CFDP1: variants seen among roughly 807,000 people sequenced by gnomAD.
CFDP1 encodes chromatin remodeling protein CFDP1.
Under a neutral mutation model 40.1 loss-of-function variants are expected in CFDP1, and 31 were observed. The ratio of observed to expected loss-of-function variants is 0.77; its 90% CI spans 0.58 to 1.04. The LOEUF (loss-of-function observed/expected upper bound fraction) is 1.04. CFDP1 is among the 50% of genes least tolerant of loss of function. CFDP1 has a pLI of 0.00. For missense variants in CFDP1, 423 were observed against 343.4 expected, an observed-to-expected ratio of 1.23 and a Z score of -1.83; for synonymous variants, 167 against 120.0, an observed-to-expected ratio of 1.39 and a Z score of -2.56.
chr16:75,350,347 C>A (rs1044306240), intron 5 of CFDP1, among the ~76,000 whole-genome samples: 16 of 152,168 alleles, frequency 1.1e-4, no homozygotes, highest in Non-Finnish European at 2.1e-4. Context: ...CTATATCCAA[C>A]CAGCAAGGTA....
chr16:75,397,710 G>T (rs899805312), intron 4 of CFDP1, among the ~76,000 whole-genome samples: 12 of 151,930 alleles, frequency 7.9e-5, no homozygotes, highest in African/African-American at 2.9e-4. Context: ...GGAGGCTGAG[G>T]CAGGAGAACC....
At chr16:75,304,060 T>TTCTCTC (rs3043650) in intron 6 of CFDP1, among the ~76,000 whole-genome samples, 1 of 151,206 alleles carries the variant, frequency 6.6e-6, no homozygotes, top group African/African-American at 2.4e-5. Flanking sequence ...TTCTTTTCCT[T>TTCTCTC]TCTCTCTCTC....
At chr16:75,331,507 G>C (rs991936709) in intron 5 of CFDP1, among the ~76,000 whole-genome samples, 1 of 152,080 alleles carries the variant, frequency 6.6e-6, no homozygotes, top group East Asian at 1.9e-4. Context: ...TCAAAATATA[G>C]AACATTTCCA....
intron 1 of CFDP1, among the ~76,000 whole-genome samples, chr16:75,430,128 C>A (rs1440734324): frequency 6.6e-6 from 1 of 151,894 alleles, no homozygotes; most frequent in Non-Finnish European, 1.5e-5. Context: ...AAAGGAATGT[C>A]TGGGTTAAGA....
At chr16:75,426,921 G>A (rs374429358) in intron 1 of CFDP1, among the ~76,000 whole-genome samples, 3 of 151,998 alleles carry the variant, frequency 2.0e-5, no homozygotes, top group Non-Finnish European at 1.5e-5. Flanking sequence ...TGGGTGTGGT[G>A]GCGAGTGCTT....
At chr16:75,432,782 A>C (rs115642866) in intron 1 of CFDP1, among the ~76,000 whole-genome samples, 1 of 152,324 alleles carries the variant, frequency 6.6e-6, no homozygotes, top group African/African-American at 2.4e-5. Flanking sequence ...TAAGGAAAGA[A>C]AGTTCTGAGA....
intron 5 of CFDP1, among the ~76,000 whole-genome samples, chr16:75,369,431 A>T (rs1215041733): frequency 2.0e-5 from 3 of 151,978 alleles, no homozygotes; most frequent in Admixed American, 2.0e-4. Context: ...AAGCCAAAAA[A>T]CCCGCACACT....
At chr16:75,426,105 C>T (rs1219022332) in intron 1 of CFDP1, among the ~76,000 whole-genome samples, 3 of 138,960 alleles carry the variant, frequency 2.2e-5, no homozygotes, top group Admixed American at 7.6e-5. Context: ...AATCCCAACA[C>T]TTTGGGAGGC....
chr16:75,420,300 T>C (rs2079263385), intron 1 of CFDP1, among the ~76,000 whole-genome samples: 1 of 152,182 alleles, frequency 6.6e-6, no homozygotes, highest in Non-Finnish European at 1.5e-5. Flanking sequence ...ATATTGTGTC[T>C]TCTGATGCTA....
At chr16:75,330,675 T>G (rs1199083563) in intron 5 of CFDP1, among the ~76,000 whole-genome samples, 1 of 152,182 alleles carries the variant, frequency 6.6e-6, no homozygotes, top group Non-Finnish European at 1.5e-5. Context: ...CTACAGCTGG[T>G]TTTGAATTCT....
chr16:75,308,429 C>T (rs932772241), intron 5 of CFDP1, among the ~76,000 whole-genome samples: 4 of 152,160 alleles, frequency 2.6e-5, no homozygotes, highest in African/African-American at 9.7e-5. Flanking sequence ...TGAGGGGACT[C>T]TAACTAAGGA....
At chr16:75,413,117 A>G (rs781530435) in intron 2 of CFDP1, among the ~76,000 whole-genome samples, 27 of 152,178 alleles carry the variant, frequency 1.8e-4, no homozygotes, top group Non-Finnish European at 3.1e-4. Flanking sequence ...TGTGCCAGAC[A>G]TTGTTGACTT....
intron 5 of CFDP1, among the ~76,000 whole-genome samples, chr16:75,310,049 C>G (rs982404483): frequency 2.6e-5 from 4 of 152,136 alleles, no homozygotes; most frequent in Non-Finnish European, 5.9e-5. Context: ...GATTACATCC[C>G]AAATGTTACG....
intron 5 of CFDP1, among the ~76,000 whole-genome samples, chr16:75,313,730 A>G (rs2078308560): frequency 6.6e-6 from 1 of 152,062 alleles, no homozygotes; most frequent in Non-Finnish European, 1.5e-5. Context: ...AGAAAGCAAA[A>G]TATCATCAAG....
intron 5 of CFDP1, among the ~76,000 whole-genome samples, chr16:75,384,401 A>T (rs1195564422): frequency 6.6e-6 from 1 of 152,134 alleles, no homozygotes; most frequent in African/African-American, 2.4e-5. Flanking sequence ...TTAAACCACC[A>T]CACAAACCAG....
chr16:75,401,083 C>A (rs1023835081), intron 4 of CFDP1, among the ~76,000 whole-genome samples: 1 of 152,054 alleles, frequency 6.6e-6, no homozygotes, highest in Non-Finnish European at 1.5e-5. Context: ...ATAGTGAGGT[C>A]AGGAGTTCCA....
At chr16:75,377,030 C>T (rs2078805078) in intron 5 of CFDP1, among the ~76,000 whole-genome samples, 1 of 152,236 alleles carries the variant, frequency 6.6e-6, no homozygotes, top group African/African-American at 2.4e-5. Flanking sequence ...GCTGTTAACA[C>T]TGCCGCTTCA....
chr16:75,335,545 CA>C (rs1301298466), intron 5 of CFDP1, among the ~76,000 whole-genome samples: 2 of 149,162 alleles, frequency 1.3e-5, no homozygotes, highest in African/African-American at 5.0e-5. Flanking sequence ...GCACTTTTGA[CA>C]AATCTCCATT....
chr16:75,358,059 T>C (rs909949737), intron 5 of CFDP1, among the ~76,000 whole-genome samples: 1 of 152,216 alleles, frequency 6.6e-6, no homozygotes, highest in Admixed American at 6.5e-5. Flanking sequence ...ATAAGTTTGT[T>C]ATCCTATGTG....
Sources: gnomAD v4.1 joint callset for allele counts (sites outside exome capture counted in the v4.1 genomes callset) on GRCh38, gnomAD v4.1.1 for gene constraint, MANE v1.5 for transcripts, NCBI Gene and HGNC (gene_info 2026-07-23, HGNC 2026-07-21) for gene names.